The following LRRC45 variants were observed in gnomAD, a reference collection of about 807,000 sequenced individuals.
LRRC45 encodes leucine rich repeat containing 45, also known as leucine-rich repeat-containing protein 45.
In LRRC45, 73 loss-of-function variants were observed where a neutral mutation model predicts 85.4. The observed-to-expected ratio is 0.85, with a 90% CI of 0.71 to 1.04. LRRC45 has a LOEUF of 1.04. Among genes scored for constraint, LRRC45 ranks in the 50% least tolerant of loss-of-function variants. The pLI is 0.00. For synonymous variants in LRRC45, 429 were observed against 386.0 expected, an observed-to-expected ratio of 1.11 and a Z score of -1.31; for missense variants, 937 against 883.3, an observed-to-expected ratio of 1.06 and a Z score of -0.77.
Position 82,024,303 on chromosome 17 carries a change from G to A in LRRC45, c.246G>A (p.Leu82=). 6.2e-7 allele frequency: 1 copy of A among 1,612,458 alleles called. No individual in the cohort carries two copies. The highest frequency in any genetic ancestry group is 1.1e-5 in the South Asian group (1 of 91,084). ...EEGATLLLRG[L]CANTVLRFLD... is the part of the protein sequence containing the mutation. ...GGGCCACACTGCTGCTCCGAGGCCT[G>A]TGTGCCAACACCGTGCTGCGCTTTC... Residue 82 remains leucine, a synonymous_variant, in exon 2 of 17, where the codon CTG becomes CTA. Transcript: ENST00000306688.
chr17:82,030,362 G>C lies in LRRC45; in HGVS notation c.1712G>C (p.Arg571Thr). Residue 571 changes from arginine to threonine, a missense_variant, in exon 16 of 17, where the codon AGG (arginine) becomes ACG (threonine). By Grantham distance (71) the Arg-to-Thr change is moderately conservative. Transcript: ENST00000306688. ...CAGGAAAGGGTGGCCGAGGTGAGCA[G>C]GGTGCGCGTGGAGCTGCAGGAGCAG... ...KDQERVAEVS[R>T]VRVELQEQNG... 3.2e-6 allele frequency: 5 copies of C among 1,549,902 alleles called. No individual in the cohort carries two copies. The highest frequency in any genetic ancestry group is 4.4e-6 in the Non-Finnish European group (5 of 1,146,832).
Position 82,029,184 on chromosome 17 carries a change from A to T in LRRC45, c.1400A>T (p.Glu467Val). Residue 467 changes from glutamate (E) to valine (V), a missense_variant and splice_region_variant, in exon 13 of 17, where the codon GAG (glutamate) becomes GTG (valine). Coordinates refer to ENST00000306688, the MANE Select transcript of LRRC45 (RefSeq NM_144999.4). Reference protein sequence around the residue: ...RLEAARLSLEEELSRVKAAAL... With the variant: ...RLEAARLSLEVELSRVKAAAL... ...GAGGCGGCGCGGCTGTCCCTGGAGG[A>T]GGTGAGTGCCCACCAGGCAGGGCCA... 4 of 1,609,614 alleles carry T rather than the reference A, an allele frequency of 2.5e-6. No homozygotes were observed. Among genetic ancestry groups the T allele is most frequent in the Non-Finnish European group, 3.4e-6 (4 of 1,179,182 alleles).
intron 13 of LRRC45, 145 bp downstream of exon 13, chr17:82,029,330 G>A (rs1162591596): frequency 1.1e-6 from 1 of 921,814 alleles, no homozygotes; most frequent in Non-Finnish European, 1.6e-6. Context: ...CCACCCACCA[G>A]TGTGCCCAAG....
chr17:82,029,770 C>T, intron 14 of LRRC45, 135 bp downstream of exon 14: 2 of 896,578 alleles, frequency 2.2e-6, no homozygotes, highest in Non-Finnish European at 3.5e-6. Flanking sequence ...ACACCCTGGA[C>T]ACTGGTGGGT....
intron 6 of LRRC45, 152 bp from the exon 7 acceptor site, chr17:82,027,234 G>A (rs1180635081): frequency 5.8e-6 from 6 of 1,027,286 alleles, no homozygotes; most frequent in Non-Finnish European, 8.8e-6. Context: ...GCTCTGCAGG[G>A]GCCACCCTTC....
At position 82,030,883 on chromosome 17, in the gene LRRC45, G is replaced by A. The variant is rs1335152694; in HGVS notation, c.*78G>A. 2.8e-5 allele frequency: 31 copies of A among 1,118,562 alleles called. No homozygotes were observed. The highest frequency in any genetic ancestry group is 3.2e-5 in the Non-Finnish European group (28 of 862,752). The allele number at this position is 1,118,562 out of a possible 1,614,324, so 69.3% of individuals were successfully genotyped here. A position where few individuals can be genotyped will look rare whatever the true frequency, so the allele number is the denominator to read the frequency against. On this transcript the variant is annotated 3_prime_UTR_variant, in exon 17 of 17. Coordinates refer to ENST00000306688, the MANE Select transcript of LRRC45 (RefSeq NM_144999.4). Reference sequence around the variant, plus strand: ...ATGGACCAGGGGCTGCGTCCCGCCCGCGCCGCCTCTTTGAGACCCGGGTCG... The same window carrying A: ...ATGGACCAGGGGCTGCGTCCCGCCCACGCCGCCTCTTTGAGACCCGGGTCG...
rs1221137122 is a variant in LRRC45, at chr17:82,030,727, G to A, written c.1935G>A (p.Gln645=). The part of the protein sequence containing the change: ...EIARIRDEEA[Q]RASFLQNAVL... Reference sequence around the variant, plus strand: ...CCCGCATCCGGGACGAGGAGGCCCAGAGGGCGAGCTTCCTGCAGAACGCCG... The same window carrying A: ...CCCGCATCCGGGACGAGGAGGCCCAAAGGGCGAGCTTCCTGCAGAACGCCG... The change falls in exon 17 of 17, where the codon CAG becomes CAA. Residue 645 remains glutamine (Q), a synonymous_variant. Transcript: ENST00000306688. 6.7e-7 allele frequency: 1 copy of A among 1,500,146 alleles called. No homozygotes were observed. Among genetic ancestry groups the A allele is most frequent in the African/African-American group, 1.4e-5 (1 of 70,496 alleles). The allele number at this position is 1,500,146 out of a possible 1,614,324, so 92.9% of individuals were successfully genotyped here.
rs907470969 is a variant in LRRC45 at position 82,023,340 on chromosome 17, C to A, written c.-304C>A. On this transcript the variant is annotated 5_prime_UTR_variant, in exon 1 of 17. Coordinates refer to ENST00000306688, the MANE Select transcript of LRRC45 (RefSeq NM_144999.4). Reference sequence around the variant, plus strand: ...GATACTGAGGCCCCGACGCGGCTGTCGCGAGGGCGGGGGTCGGGGCTGCAG... The same window carrying A: ...GATACTGAGGCCCCGACGCGGCTGTAGCGAGGGCGGGGGTCGGGGCTGCAG... 4 of 458,012 alleles carry A rather than the reference C, an allele frequency of 8.7e-6. No individual in the cohort carries two copies. The highest frequency in any genetic ancestry group is 1.5e-5 in the Non-Finnish European group (4 of 259,354). The allele number at this position is 458,012 out of a possible 1,614,324, so 28.4% of individuals were successfully genotyped here. A position where few individuals can be genotyped will look rare whatever the true frequency, so the allele number is the denominator to read the frequency against.
In LRRC45 at chr17:82,028,469, A is replaced by C; in HGVS notation, c.1198A>C (p.Met400Leu). ...CCAGACCAGGCAGGAGATGACCAGC[A>C]TGTCAGCTGAGCTGAAGATGCGGGC... ...LFQTRQEMTS[M>L]SAELKMRAIQ... The change falls in exon 11 of 17, where the codon ATG (methionine) becomes CTG (leucine). Residue 400 changes from methionine to leucine, a missense_variant. Physicochemically the swap from Met to Leu is conservative, Grantham distance 15 (BLOSUM62 2). Coordinates refer to ENST00000306688, the MANE Select transcript of LRRC45 (RefSeq NM_144999.4). 6.2e-7 allele frequency: 1 copy of C among 1,612,672 alleles called. No individual in the cohort carries two copies. Among genetic ancestry groups the C allele is most frequent in the Non-Finnish European group, 8.5e-7 (1 of 1,179,940 alleles).
chr17:82,026,815 G>C, intron 5 of LRRC45, 84 bp from the exon 6 acceptor site: 1 of 1,077,112 alleles, frequency 9.3e-7, no homozygotes, highest in South Asian at 1.3e-5. Flanking sequence ...CCTGACCTCA[G>C]GTGATCCACC....
chr17:82,024,688 C>T lies in LRRC45; in HGVS notation c.283-5C>T. The T allele has an allele frequency of 1.3e-6, 2 of 1,570,546 alleles. No homozygotes were observed. Among genetic ancestry groups the T allele is most frequent in the South Asian group, 1.2e-5 (1 of 84,410 alleles). ...CGAGTGACTACCGGCCTGTTTCTCT[C>T]CTAGGGCAACAACCTTCGGGCTGCA... is the stretch of plus-strand genomic sequence containing the variant. On this transcript the variant is annotated splice_polypyrimidine_tract_variant and splice_region_variant and intron_variant, in intron 2 of 16. Coordinates refer to ENST00000306688, the MANE Select transcript of LRRC45 (RefSeq NM_144999.4).
chr17:82,030,231 T>A lies in LRRC45; in HGVS notation c.1661T>A (p.Leu554Gln). The part of the protein sequence containing the change: ...VEGLRRRLEE[L>Q]QQELSLKDQE... ...GGCCTGCGGCGGCGCCTGGAAGAGCTGCAGCAGGTAGGCGGGGCTCCGGTG... is the reference window on the plus strand; with the variant it reads ...GGCCTGCGGCGGCGCCTGGAAGAGCAGCAGCAGGTAGGCGGGGCTCCGGTG... Residue 554 changes from leucine to glutamine, a missense_variant, in exon 15 of 17, where the codon CTG becomes CAG. Leu to Gln is a moderately radical substitution (Grantham distance 113). Transcript: ENST00000306688. 1 of 1,534,930 alleles carries A rather than the reference T, an allele frequency of 6.5e-7. No homozygotes were observed. The highest frequency in any genetic ancestry group is 8.8e-7 in the Non-Finnish European group (1 of 1,136,804).
rs550616399 is a variant in LRRC45 at position 82,026,564 on chromosome 17, T to TTGTGTGTGTGTGTGTGTGTG, written c.662-318_662-299dup. The stretch of plus-strand genomic sequence containing the variant: ...GCAGCCCCGGGGTGACACAGCTCCT[T>TTGTGTGTGTGTGTGTGTGTG]TGTGTGTGTGTGTGTGTGTGTGTGT... On this transcript the variant is annotated intron_variant, in intron 5 of 16. Coordinates refer to ENST00000306688, the MANE Select transcript of LRRC45 (RefSeq NM_144999.4). Among the ~76,000 whole-genome samples the TTGTGTGTGTGTGTGTGTGTG allele has an allele frequency of 6.2e-4, 85 of 137,560 alleles. 2 individuals carry two copies. Among genetic ancestry groups the TTGTGTGTGTGTGTGTGTGTG allele is most frequent in the East Asian group, 1.5e-3 (7 of 4,614 alleles). 90.2% of individuals were successfully genotyped at this position (137,560 alleles called of 152,430 possible).
chr17:82,026,847 T>G, intron 5 of LRRC45, 52 bp from the exon 6 acceptor site: 1 of 1,486,762 alleles, frequency 6.7e-7, no homozygotes, highest in Non-Finnish European at 9.2e-7. Context: ...CCCAAAGTGC[T>G]GGGATTCCAG....
Position 82,023,817 on chromosome 17 carries a change from G to A in LRRC45, c.174G>A (p.Thr58=), listed in dbSNP as rs1217772822. 1.9e-6 allele frequency: 3 copies of A among 1,569,734 alleles called. No homozygotes were observed. The highest frequency in any genetic ancestry group is 4.7e-5 in the East Asian group (2 of 42,910). Residue 58 remains threonine, a synonymous_variant, in exon 1 of 17, where the codon ACG becomes ACA. Coordinates refer to ENST00000306688, the MANE Select transcript of LRRC45 (RefSeq NM_144999.4). ...TGGGCAAGCTGCTGCCGAGGGAGAC[G>A]CTGTGCACGGAGCTGGTCCTGAGTG... The part of the protein sequence containing the change: ...RALGKLLPRE[T]LCTELVLSDC...
chr17:82,028,568 C>T (rs1199782302), intron 11 of LRRC45, 45 bp from the exon 12 acceptor site: 2 of 1,612,162 alleles, frequency 1.2e-6, no homozygotes, highest in Non-Finnish European at 1.7e-6. Context: ...GGACGGGGGC[C>T]CCCAGGGGAT....
chr17:82,026,577 TGTGTG>T lies in LRRC45; in HGVS notation c.662-321_662-317del, dbSNP rs1418630435. ...GACACAGCTCCTTTGTGTGTGTGTG[TGTGTG>T]TGTGTGTGTGTGTGTGTGACTGAGT... On this transcript the variant is annotated intron_variant, in intron 5 of 16. Coordinates refer to ENST00000306688, the MANE Select transcript of LRRC45 (RefSeq NM_144999.4). Among the ~76,000 whole-genome samples, 582 of 150,808 alleles carry T rather than the reference TGTGTG, an allele frequency of 3.9e-3. 7 individuals are homozygous for T. Among genetic ancestry groups the T allele is most frequent in the African/African-American group, 0.014 (559 of 40,882 alleles).
At position 82,030,744 on chromosome 17, in the gene LRRC45, A is replaced by G; in HGVS notation, c.1952A>G (p.Gln651Arg). ...GAGGCCCAGAGGGCGAGCTTCCTGCAGAACGCCGTCCTGGCTTACGTGCAG... is the reference window on the plus strand; with the variant it reads ...GAGGCCCAGAGGGCGAGCTTCCTGCGGAACGCCGTCCTGGCTTACGTGCAG... The part of the protein sequence containing the change: ...DEEAQRASFL[Q>R]NAVLAYVQAS... The change falls in exon 17 of 17, where the codon CAG becomes CGG. Residue 651 changes from glutamine to arginine, a missense_variant. Physicochemically the swap from Gln to Arg is conservative, Grantham distance 43 (BLOSUM62 1). Coordinates refer to ENST00000306688, the MANE Select transcript of LRRC45 (RefSeq NM_144999.4). The G allele has an allele frequency of 1.4e-6, 2 of 1,477,398 alleles. No homozygotes were observed. Among genetic ancestry groups the G allele is most frequent in the Non-Finnish European group, 1.8e-6 (2 of 1,102,372 alleles). The allele number at this position is 1,477,398 out of a possible 1,614,324, so 91.5% of individuals were successfully genotyped here.
chr17:82,023,769 G>A lies in LRRC45; in HGVS notation c.126G>A (p.Leu42=). The A allele has an allele frequency of 6.4e-7, 1 of 1,561,592 alleles. No individual in the cohort carries two copies. The highest frequency in any genetic ancestry group is 8.7e-7 in the Non-Finnish European group (1 of 1,156,064). The change falls in exon 1 of 17, where the codon CTG becomes CTA. Residue 42 remains leucine (L), a synonymous_variant. Transcript: ENST00000306688. ...GGCTGGACCTGGCCACGCAAAGCCT[G>A]ACGGTGGAGACCTGCAGGGCCCTGG... ...RGRLDLATQS[L]TVETCRALGK...
Sources: gnomAD v4.1 joint callset for allele counts (sites outside exome capture counted in the v4.1 genomes callset) on GRCh38, gnomAD v4.1.1 for gene constraint, MANE v1.5 for transcripts, NCBI Gene and HGNC (gene_info 2026-07-23, HGNC 2026-07-21) for gene names.